The following DMD variants were observed in gnomAD, a reference collection of about 807,000 sequenced individuals.
DMD encodes the protein mutant dystrophin.
DMD carries 63 observed loss-of-function variants against 330.1 expected under a neutral mutation model. The ratio of observed to expected loss-of-function variants is 0.19; its 90% confidence interval spans 0.16 to 0.24. The LOEUF (loss-of-function observed/expected upper bound fraction) is 0.24. Ranked by LOEUF, DMD falls within the 10% of genes least tolerant of loss-of-function variation. The pLI, the probability that DMD is intolerant of heterozygous loss-of-function variation, is 1.00. For missense variants in DMD, 3,344 were observed against 2,684.1 expected (o/e 1.25, Z -5.43); for synonymous variants, 1,223 against 959.8 (o/e 1.27, Z -5.07).
intron 77 of DMD, among the ~76,000 whole-genome samples, chrX:31,131,907 G>A (rs1226104617): frequency 8.9e-6 from 1 of 112,015 alleles, no homozygotes; most frequent in East Asian, 2.8e-4. Context: ...GTAGCAAAAC[G>A]TGAGGAAATG....
At chrX:32,521,317 C>A (rs753719440) in intron 17 of DMD, among the ~76,000 whole-genome samples, 7 of 111,946 alleles carry the variant, frequency 6.3e-5, no homozygotes, top group South Asian at 3.7e-4. Context: ...CTACAGTTAA[C>A]ACTGTTGACC....
At chrX:33,060,580 C>T (rs1188507955) in intron 1 of DMD, among the ~76,000 whole-genome samples, 1 of 111,470 alleles carries the variant, frequency 9.0e-6, no homozygotes, top group South Asian at 3.8e-4. Context: ...CGCCTGTAAT[C>T]GCTGCACTTT....
intron 48 of DMD, among the ~76,000 whole-genome samples, chrX:31,864,024 G>A (rs1365212054): frequency 1.8e-5 from 2 of 110,643 alleles, no homozygotes; most frequent in Non-Finnish European, 3.8e-5. Flanking sequence ...TGGATTCCAC[G>A]GGATACATTC....
chrX:31,628,024 G>A (rs1302302672), intron 54 of DMD, among the ~76,000 whole-genome samples, 162 bp from the exon 55 acceptor site: 2 of 111,290 alleles, frequency 1.8e-5, no homozygotes, highest in African/African-American at 3.3e-5. Context: ...ATAATATTGT[G>A]CAGTCTATTT....
chrX:33,220,589 C>A (rs1369340127), intron 1 of DMD, among the ~76,000 whole-genome samples: 1 of 111,685 alleles, frequency 9.0e-6, no homozygotes, highest in Non-Finnish European at 1.9e-5. Flanking sequence ...GTGTTTCTTA[C>A]CTGATGGAAG....
chrX:32,504,552 G>A (rs981985726), intron 18 of DMD, among the ~76,000 whole-genome samples: 6 of 109,211 alleles, frequency 5.5e-5, no homozygotes, highest in Admixed American at 2.0e-4. Context: ...CCTTGAACCC[G>A]GGAGGCAGAG....
chrX:32,425,417 T>C (rs946727599), intron 29 of DMD, among the ~76,000 whole-genome samples: 1 of 111,521 alleles, frequency 9.0e-6, no homozygotes, highest in African/African-American at 3.3e-5. Flanking sequence ...TATCCTATCT[T>C]GTAAGACTTT....
Position 31,738,948 on chromosome X carries a change from G to A in DMD, c.7543-9200C>T, listed in dbSNP as rs190235316. Among the ~76,000 whole-genome samples, 6 of 111,724 alleles carry A rather than the reference G, an allele frequency of 5.4e-5. No individual in the cohort carries two copies. In the Admixed American group the frequency reaches 5.7e-4, roughly 11 times the overall value. The stretch of plus-strand genomic sequence containing the variant: ...GGATGGGAAGGGTCGTGGGGAGGTG[G>A]GGGTGGTGTAGGTATAGTTACTGGG... On this transcript the variant is annotated intron_variant, in intron 51 of 78. Transcript: ENST00000357033.
At chrX:32,924,073 T>C (rs1471682893) in intron 2 of DMD, among the ~76,000 whole-genome samples, 1 of 111,743 alleles carries the variant, frequency 8.9e-6, no homozygotes, top group East Asian at 2.8e-4. Context: ...TCAGAAATTA[T>C]TAAAGAAGTC....
intron 25 of DMD, among the ~76,000 whole-genome samples, chrX:32,462,261 T>C (rs974279033): frequency 1.8e-5 from 2 of 111,327 alleles, no homozygotes; most frequent in African/African-American, 6.5e-5. Context: ...TAGTAAGAGA[T>C]TAACAACTAA....
chrX:33,097,929 T>G (rs780108183), intron 1 of DMD, among the ~76,000 whole-genome samples: 1 of 111,214 alleles, frequency 9.0e-6, no homozygotes, highest in South Asian at 3.8e-4. Context: ...CAGTAACATT[T>G]TAAGGGCTCA....
At chrX:32,292,299 A>ATTATTTTTTTTTTTTTT (rs1355530949) in intron 42 of DMD, among the ~76,000 whole-genome samples, 2 of 30,854 alleles carry the variant, frequency 6.5e-5, no homozygotes, top group Admixed American at 4.7e-4. Flanking sequence ...CAAAGGGAAT[A>ATTATTTTTTTTTTTTTT]TTCTTTTTTT....
chrX:32,789,113 T>G (rs1224086630), intron 7 of DMD, among the ~76,000 whole-genome samples: 1 of 112,118 alleles, frequency 8.9e-6, no homozygotes, highest in Non-Finnish European at 1.9e-5. Flanking sequence ...AAGCAATAAA[T>G]AGAAGAAGGA....
intron 52 of DMD, among the ~76,000 whole-genome samples, chrX:31,707,269 C>T (rs1300944998): frequency 9.0e-6 from 1 of 110,569 alleles, no homozygotes; most frequent in Non-Finnish European, 1.9e-5. Flanking sequence ...AATCTCCATT[C>T]AGGGCGTCAT....
chrX:31,521,686 T>C (rs1191404321), intron 55 of DMD, among the ~76,000 whole-genome samples: 3 of 112,161 alleles, frequency 2.7e-5, no homozygotes, highest in African/African-American at 9.7e-5. Flanking sequence ...GTAGAAAAGC[T>C]GTTGAAATGT....
chrX:33,167,775 A>G (rs1380277613), intron 1 of DMD, among the ~76,000 whole-genome samples: 2 of 111,040 alleles, frequency 1.8e-5, no homozygotes, highest in African/African-American at 6.5e-5. Context: ...GGACTTGGGA[A>G]CAAAATGGCC....
intron 1 of DMD, among the ~76,000 whole-genome samples, chrX:33,025,573 C>G (rs1343888951): frequency 9.0e-6 from 1 of 111,571 alleles, no homozygotes; most frequent in African/African-American, 3.3e-5. Flanking sequence ...ATTTTTTTGA[C>G]ACAAGGTCTC....
chrX:32,733,089 C>T (rs1166223157), intron 7 of DMD, among the ~76,000 whole-genome samples: 2 of 106,302 alleles, frequency 1.9e-5, no homozygotes, highest in South Asian at 4.1e-4. Flanking sequence ...AAATGGAAAA[C>T]AAAAAAAGGC....
chrX:31,412,513 G>A (rs919012510), intron 60 of DMD, among the ~76,000 whole-genome samples: 1 of 111,943 alleles, frequency 8.9e-6, no homozygotes, highest in African/African-American at 3.3e-5. Flanking sequence ...GCTGGCACAC[G>A]CCCTCTCTGT....
Sources: allele counts gnomAD v4.1 joint callset (sites outside exome capture counted in the v4.1 genomes callset), GRCh38; gene constraint gnomAD v4.1.1; transcripts MANE v1.5; gene names NCBI Gene and HGNC (gene_info 2026-07-23, HGNC 2026-07-21).